SLC35D4: variants seen among roughly 807,000 people sequenced by gnomAD.
SLC35D4 encodes the protein UDP-N-acetylglucosamine transporter SLC35D4.
the SLC35D4 span, among the ~76,000 whole-genome samples, chr18:23,276,422 C>T: frequency 6.6e-6 from 1 of 150,506 alleles, no homozygotes; most frequent in East Asian, 2.0e-4. Flanking sequence ...GTGTATTTTA[C>T]CAGAATTTTG....
chr18:23,269,522 G>C, the SLC35D4 span, among the ~76,000 whole-genome samples: 22 of 152,232 alleles, frequency 1.4e-4, no homozygotes, highest in Non-Finnish European at 3.1e-4. Flanking sequence ...GGTACTGGTA[G>C]AGTGGGGTAC....
chr18:23,255,114 G>A, the SLC35D4 span, among the ~76,000 whole-genome samples: 2 of 152,170 alleles, frequency 1.3e-5, no homozygotes, highest in African/African-American at 4.8e-5. Context: ...AAGGGCAGGT[G>A]GATAGTGGCC....
the SLC35D4 span, among the ~76,000 whole-genome samples, chr18:23,290,811 A>C: frequency 1.1e-4 from 15 of 130,894 alleles, no homozygotes; most frequent in African/African-American, 4.3e-4. Context: ...TTTTTTTTGT[A>C]TTTTTTAGTA....
the SLC35D4 span, among the ~76,000 whole-genome samples, chr18:23,354,872 A>G: frequency 6.6e-6 from 1 of 150,956 alleles, no homozygotes. Flanking sequence ...TACATTACTC[A>G]TGGATCTCTT....
chr18:23,376,846 T>C, the SLC35D4 span: 1 of 456,732 alleles, frequency 2.2e-6, no homozygotes, highest in Non-Finnish European at 4.4e-6. Context: ...TCAGGTATCA[T>C]GAGCTTTACC....
At chr18:23,356,749 C>T in the SLC35D4 span, 90 of 1,268,668 alleles carry the variant, frequency 7.1e-5, 1 homozygote, top group Non-Finnish European at 8.8e-5. The surrounding 1 kb of genome is among the most constrained non-coding windows in gnomAD (Gnocchi z 4.1). Context: ...GCAAGGAAGG[C>T]GTCTTTAGCA....
chr18:23,416,542 A>G, the SLC35D4 span, among the ~76,000 whole-genome samples: 1 of 152,186 alleles, frequency 6.6e-6, no homozygotes, highest in Non-Finnish European at 1.5e-5. Flanking sequence ...CCCAGCACAC[A>G]CGAAAGAACG....
At chr18:23,371,945 T>TG in the SLC35D4 span, among the ~76,000 whole-genome samples, 238 of 73,318 alleles carry the variant, frequency 3.2e-3, 25 homozygotes, top group East Asian at 0.055. Flanking sequence ...GTTTTTTTTT[T>TG]TTTTTTTTGA....
At chr18:23,375,870 G>A in the SLC35D4 span, among the ~76,000 whole-genome samples, 1 of 152,210 alleles carries the variant, frequency 6.6e-6, no homozygotes, top group Non-Finnish European at 1.5e-5. Flanking sequence ...AGCTGGTTCA[G>A]TAATCCCTGG....
chr18:23,333,570 T>C, the SLC35D4 span, among the ~76,000 whole-genome samples: 1 of 149,622 alleles, frequency 6.7e-6, no homozygotes, highest in South Asian at 2.1e-4. Context: ...TGTTTGGCAA[T>C]TTGGAATAAT....
At chr18:23,423,076 G>A in the SLC35D4 span, among the ~76,000 whole-genome samples, 3 of 152,032 alleles carry the variant, frequency 2.0e-5, no homozygotes, top group Admixed American at 6.6e-5. Flanking sequence ...ACTTGCACCC[G>A]CCCCTCTCCA....
the SLC35D4 span, among the ~76,000 whole-genome samples, chr18:23,314,373 G>A: frequency 6.6e-6 from 1 of 152,160 alleles, no homozygotes; most frequent in East Asian, 1.9e-4. Flanking sequence ...CTCACTGTGT[G>A]GTCATGGGAT....
chr18:23,365,706 C>A, the SLC35D4 span: 1 of 1,606,562 alleles, frequency 6.2e-7, no homozygotes, highest in Non-Finnish European at 8.5e-7. Flanking sequence ...GAAGTTTCCC[C>A]GGCACCAAAA....
chr18:23,288,566 G>A, the SLC35D4 span, among the ~76,000 whole-genome samples: 13 of 150,602 alleles, frequency 8.6e-5, no homozygotes, highest in Non-Finnish European at 1.3e-4. Context: ...CCCCGCCCCA[G>A]GACTGGCAAA....
At chr18:23,287,315 A>T in the SLC35D4 span, among the ~76,000 whole-genome samples, 50 of 152,164 alleles carry the variant, frequency 3.3e-4, no homozygotes, top group African/African-American at 1.0e-3. Flanking sequence ...TGCTTTCTTT[A>T]CTATTCCTTT....
At chr18:23,395,906 C>T in the SLC35D4 span, among the ~76,000 whole-genome samples, 1 of 152,202 alleles carries the variant, frequency 6.6e-6, no homozygotes, top group East Asian at 1.9e-4. Flanking sequence ...CTGGCACATG[C>T]TTAACATCAA....
the SLC35D4 span, among the ~76,000 whole-genome samples, chr18:23,286,886 C>T: frequency 2.6e-5 from 4 of 151,984 alleles, no homozygotes; most frequent in Non-Finnish European, 2.9e-5. Flanking sequence ...TCATTGCCGC[C>T]CTTCTTCCCA....
At chr18:23,414,954 G>A in the SLC35D4 span, among the ~76,000 whole-genome samples, 2 of 152,010 alleles carry the variant, frequency 1.3e-5, no homozygotes, top group African/African-American at 4.8e-5. Flanking sequence ...CTCTACAAAA[G>A]TTTTAAAAAT....
chr18:23,387,805 C>T, the SLC35D4 span, among the ~76,000 whole-genome samples: 43 of 152,120 alleles, frequency 2.8e-4, no homozygotes, highest in Admixed American at 4.6e-4. Flanking sequence ...TAAAATAGAA[C>T]TATTTTAGCT....
Sources: allele counts gnomAD v4.1 joint callset (sites outside exome capture counted in the v4.1 genomes callset), GRCh38; gene constraint gnomAD v4.1.1; non-coding constraint Gnocchi (gnomAD v3.1); transcripts MANE v1.5; gene names NCBI Gene and HGNC (gene_info 2026-07-23, HGNC 2026-07-21).